Variants in NCAM2 observed in about 807,000 individuals in gnomAD.
NCAM2 encodes the protein neural cell adhesion molecule 2, also known as N-CAM-2.
Under a neutral mutation model 98.1 loss-of-function variants are expected in NCAM2, and 30 were observed. That is an observed-to-expected ratio of 0.31 (90% CI 0.23 to 0.41). The LOEUF (loss-of-function observed/expected upper bound fraction) is 0.41. Ranked by LOEUF, NCAM2 falls within the 10% of genes least tolerant of loss-of-function variation. The probability of loss-of-function intolerance (pLI) is 1.00; values close to 1 mark genes in which losing one functional copy is unlikely to be tolerated. For synonymous variants in NCAM2, 368 were observed against 342.4 expected (o/e 1.07, Z -0.83); for missense variants, 867 against 1,005.8 (o/e 0.86, Z 1.87).
At chr21:21,233,858 A>G (rs939082416) in intron 1 of NCAM2, among the ~76,000 whole-genome samples, 5 of 151,770 alleles carry the variant, frequency 3.3e-5, no homozygotes, top group Non-Finnish European at 7.4e-5. Flanking sequence ...TTAGAATAGA[A>G]GTAATAGAGT....
chr21:21,273,920 C>A (rs991847421), intron 1 of NCAM2, among the ~76,000 whole-genome samples: 1 of 152,022 alleles, frequency 6.6e-6, no homozygotes, highest in Admixed American at 6.6e-5. Context: ...AATCCCAGCA[C>A]TTTGGGAGGC....
chr21:21,249,207 T>C (rs2147278129), intron 1 of NCAM2, among the ~76,000 whole-genome samples: 1 of 152,308 alleles, frequency 6.6e-6, no homozygotes, highest in South Asian at 2.1e-4. Context: ...TCTTCTGAAA[T>C]AGGATTCCAC....
intron 1 of NCAM2, among the ~76,000 whole-genome samples, chr21:21,014,924 ATCC>A (rs1295883714): frequency 6.6e-6 from 1 of 152,190 alleles, no homozygotes; most frequent in African/African-American, 2.4e-5. Flanking sequence ...GTATTTCTCC[ATCC>A]TCATGGATGG....
intron 16 of NCAM2, among the ~76,000 whole-genome samples, chr21:21,526,754 G>C (rs1229408928): frequency 1.3e-5 from 2 of 152,092 alleles, no homozygotes; most frequent in African/African-American, 4.8e-5. Flanking sequence ...AAGACTTTGT[G>C]ATATTGGCCA....
intron 6 of NCAM2, among the ~76,000 whole-genome samples, chr21:21,328,268 A>G (rs1041070086): frequency 4.6e-5 from 7 of 152,198 alleles, no homozygotes; most frequent in African/African-American, 1.7e-4. Context: ...AAGCATATAC[A>G]TATTTTATAC....
chr21:21,339,901 C>A (rs1568952875), intron 8 of NCAM2, among the ~76,000 whole-genome samples: 1 of 151,526 alleles, frequency 6.6e-6, no homozygotes, highest in Non-Finnish European at 1.5e-5. Flanking sequence ...GATAATTGTA[C>A]TATTTTGATA....
intron 9 of NCAM2, among the ~76,000 whole-genome samples, chr21:21,376,356 C>A (rs1378752250): frequency 6.6e-6 from 1 of 151,672 alleles, no homozygotes; most frequent in Non-Finnish European, 1.5e-5. Flanking sequence ...CTAGGTCCAC[C>A]TTAAGCTTCA....
intron 16 of NCAM2, among the ~76,000 whole-genome samples, chr21:21,514,741 A>C (rs1988614434): frequency 6.6e-6 from 1 of 152,146 alleles, no homozygotes; most frequent in Admixed American, 6.6e-5. Flanking sequence ...TAATTTTAGT[A>C]ATTGAAAATG....
intron 8 of NCAM2, among the ~76,000 whole-genome samples, chr21:21,367,643 T>G (rs1168172525): frequency 6.6e-6 from 1 of 151,988 alleles, no homozygotes; most frequent in Non-Finnish European, 1.5e-5. Flanking sequence ...TCATATTTAT[T>G]GCTTAGATCT....
intron 8 of NCAM2, among the ~76,000 whole-genome samples, chr21:21,348,759 T>C (rs1334058577): frequency 2.0e-5 from 3 of 151,904 alleles, no homozygotes; most frequent in African/African-American, 7.3e-5. Context: ...TGGAACAGAA[T>C]AGAGAACCCA....
At chr21:21,169,964 T>C (rs1237395490) in intron 1 of NCAM2, among the ~76,000 whole-genome samples, 2 of 151,696 alleles carry the variant, frequency 1.3e-5, no homozygotes, top group Non-Finnish European at 2.9e-5. Flanking sequence ...CTCAAAAAAA[T>C]AAAATAAAAT....
intron 1 of NCAM2, among the ~76,000 whole-genome samples, chr21:21,185,629 A>T (rs1352522753): frequency 6.6e-6 from 1 of 152,164 alleles, no homozygotes; most frequent in Non-Finnish European, 1.5e-5. Flanking sequence ...TTGTAGTATC[A>T]CCCAGCTGTT....
chr21:21,136,832 T>C (rs1408665644), intron 1 of NCAM2, among the ~76,000 whole-genome samples: 3 of 151,828 alleles, frequency 2.0e-5, no homozygotes, highest in East Asian at 3.9e-4. Context: ...GCAGACACCA[T>C]GCAAAGCAAA....
intron 1 of NCAM2, among the ~76,000 whole-genome samples, chr21:21,235,768 C>T (rs1160876628): frequency 6.6e-6 from 1 of 151,866 alleles, no homozygotes; most frequent in African/African-American, 2.4e-5. Flanking sequence ...TGACCAATAC[C>T]CTGAATTCAG....
At chr21:21,059,674 G>C (rs548834682) in intron 1 of NCAM2, among the ~76,000 whole-genome samples, 1 of 152,070 alleles carries the variant, frequency 6.6e-6, no homozygotes, top group Non-Finnish European at 1.5e-5. Flanking sequence ...GATTTTAGAT[G>C]AACAGACATT....
chr21:21,172,151 C>A (rs950233173), intron 1 of NCAM2, among the ~76,000 whole-genome samples: 4 of 150,484 alleles, frequency 2.7e-5, no homozygotes, highest in Non-Finnish European at 5.9e-5. Flanking sequence ...GCATTTGTTT[C>A]CAATTGTTTT....
chr21:21,162,775 T>A (rs922528411), intron 1 of NCAM2, among the ~76,000 whole-genome samples: 7 of 152,132 alleles, frequency 4.6e-5, no homozygotes, highest in African/African-American at 1.7e-4. Context: ...ACCTGTCAGA[T>A]TACCCAAAAC....
At chr21:21,421,679 A>T (rs879649266) in intron 11 of NCAM2, among the ~76,000 whole-genome samples, 3 of 152,184 alleles carry the variant, frequency 2.0e-5, no homozygotes, top group Non-Finnish European at 2.9e-5. Flanking sequence ...GACATTTATT[A>T]TATAAAAAAT....
chr21:21,270,601 T>G (rs562425335), intron 1 of NCAM2, among the ~76,000 whole-genome samples: 1 of 152,354 alleles, frequency 6.6e-6, no homozygotes, highest in Non-Finnish European at 1.5e-5. Context: ...TATTTACTTC[T>G]TAAATGTATT....
Sources: allele counts gnomAD v4.1 joint callset (sites outside exome capture counted in the v4.1 genomes callset), GRCh38; gene constraint gnomAD v4.1.1; transcripts MANE v1.5; gene names NCBI Gene and HGNC (gene_info 2026-07-23, HGNC 2026-07-21).